The following SCML4 variants were observed in gnomAD, a reference collection of about 807,000 sequenced individuals.
SCML4 encodes sex comb on midleg-like protein 4.
In SCML4, 34 loss-of-function variants were observed where a neutral mutation model predicts 41.1. That is an observed-to-expected ratio of 0.83 (90% CI 0.63 to 1.10). The LOEUF (loss-of-function observed/expected upper bound fraction) is 1.10, where lower values mean the gene tolerates loss of function less well. Among genes scored for constraint, SCML4 ranks in the 50% least tolerant of loss-of-function variants. The pLI is 0.00. For synonymous variants in SCML4, 214 were observed against 220.9 expected (o/e 0.97, Z 0.28); for missense variants, 522 against 534.1 (o/e 0.98, Z 0.22).
chr6:107,785,064 G>C (rs559211834), intron 1 of SCML4, among the ~76,000 whole-genome samples: 112 of 152,306 alleles, frequency 7.4e-4, no homozygotes, highest in Non-Finnish European at 4.9e-4. Context: ...ATACTGTACA[G>C]GTTCAGATCT....
intron 2 of SCML4, among the ~76,000 whole-genome samples, chr6:107,752,304 G>A (rs972566400): frequency 1.3e-5 from 2 of 151,996 alleles, no homozygotes; most frequent in African/African-American, 4.8e-5. Context: ...ATACTTGCTA[G>A]ACATCCAAGT....
At chr6:107,825,868 C>T (rs1386531489), upstream of SCML4, among the ~76,000 whole-genome samples, 7 of 130,566 alleles carry the variant, frequency 5.4e-5, no homozygotes, top group South Asian at 2.5e-4. Context: ...ACCCGGGAGG[C>T]GGAGCTCACA....
intron 5 of SCML4, among the ~76,000 whole-genome samples, chr6:107,742,594 A>G (rs1777683439): frequency 6.6e-6 from 1 of 152,242 alleles, no homozygotes; most frequent in Admixed American, 6.5e-5. Flanking sequence ...TCATCTGGCA[A>G]CAGACTTCTC....
At chr6:107,767,315 A>G (rs1156607337) in intron 2 of SCML4, among the ~76,000 whole-genome samples, 1 of 152,196 alleles carries the variant, frequency 6.6e-6, no homozygotes, top group African/African-American at 2.4e-5. Context: ...CTGGACTGCC[A>G]CAGAACCCGT....
rs1418183198 is a variant in SCML4 at position 107,811,029 on chromosome 6, ATAAG to A, written c.-60+13093_-60+13096del. The stretch of plus-strand genomic sequence containing the variant: ...CTAATCCAATAGGGCTGGTGTCTTT[ATAAG>A]TAAGAGACATCAGGAGTGGAAGCAT... On this transcript the variant is annotated intron_variant, in intron 1 of 7. Transcript: ENST00000369020. 3.3e-5 allele frequency among the ~76,000 whole-genome samples: 5 copies of A among 152,138 alleles called. No individual in the cohort carries two copies. The South Asian group carries it at 6.2e-4, about 19-fold the overall frequency.
At chr6:107,828,318 G>A (rs1178098028), upstream of SCML4, among the ~76,000 whole-genome samples, 2 of 152,182 alleles carry the variant, frequency 1.3e-5, no homozygotes, top group African/African-American at 4.8e-5. Flanking sequence ...ACGGGACAAG[G>A]AAATAAGGGA....
At chr6:107,774,612 T>G (rs1283729676) in intron 1 of SCML4, among the ~76,000 whole-genome samples, 1 of 152,182 alleles carries the variant, frequency 6.6e-6, no homozygotes, top group African/African-American at 2.4e-5. Context: ...GACTTTAAAC[T>G]CAGGAATTAT....
chr6:107,807,264 G>A (rs542825340), intron 1 of SCML4, among the ~76,000 whole-genome samples: 1 of 152,278 alleles, frequency 6.6e-6, no homozygotes, highest in African/African-American at 2.4e-5. Flanking sequence ...CCACCACTTT[G>A]TTAAAGCAAG....
chr6:107,757,284 G>A (rs575785135), intron 2 of SCML4, among the ~76,000 whole-genome samples: 1 of 152,220 alleles, frequency 6.6e-6, no homozygotes, highest in Non-Finnish European at 1.5e-5. Context: ...AAACGGAGAT[G>A]TGCGGTCAAG....
At chr6:107,734,053 A>G (rs1461681754) in intron 5 of SCML4, among the ~76,000 whole-genome samples, 1 of 152,126 alleles carries the variant, frequency 6.6e-6, no homozygotes, top group Non-Finnish European at 1.5e-5. Context: ...TTATTTGAGG[A>G]GTGGGCATAG....
chr6:107,725,724 T>C (rs1220397325), intron 5 of SCML4, among the ~76,000 whole-genome samples: 1 of 152,202 alleles, frequency 6.6e-6, no homozygotes, highest in Non-Finnish European at 1.5e-5. Context: ...ATTCTTAGAT[T>C]TGACACCAAA....
At chr6:107,753,457 G>T (rs1778854823) in intron 2 of SCML4, among the ~76,000 whole-genome samples, 1 of 152,170 alleles carries the variant, frequency 6.6e-6, no homozygotes, top group Non-Finnish European at 1.5e-5. Context: ...TAGTTGCCAG[G>T]AACTGGGGGA....
In SCML4 at chr6:107,705,315, C is replaced by T; in HGVS notation, c.1130G>A (p.Gly377Asp). The T allele has an allele frequency of 6.4e-7, 1 of 1,551,840 alleles. No homozygotes were observed. The highest frequency in any genetic ancestry group is 8.7e-7 in the Non-Finnish European group (1 of 1,146,944). Residue 377 changes from glycine (G) to aspartate (D), a missense_variant, in exon 8 of 8, where the codon GGC (glycine) becomes GAC (aspartate). Coordinates refer to ENST00000369020, the MANE Select transcript of SCML4 (RefSeq NM_198081.5). Reference protein sequence around the residue: ...VELFRKHEIDGNALLLLKSDM... With the variant: ...VELFRKHEIDDNALLLLKSDM... The stretch of plus-strand genomic sequence containing the variant: ...ACTCTTCAGCAACAGCAGAGCGTTG[C>T]CATCAATCTCCTGGTGGGATAGGAT...
At chr6:107,751,612 T>TCTCTCTCTCTCTCTCTCTCTC (rs1778658664) in intron 2 of SCML4, among the ~76,000 whole-genome samples, 1 of 146,636 alleles carries the variant, frequency 6.8e-6, no homozygotes, top group Non-Finnish European at 1.5e-5. Flanking sequence ...CTTTCTTTCT[T>TCTCTCTCTCTCTCTCTCTCTC]TCTTTCTTTC....
At chr6:107,740,010 C>G (rs184167557) in intron 5 of SCML4, 9 of 405,618 alleles carry the variant, frequency 2.2e-5, no homozygotes, top group African/African-American at 1.7e-4. Context: ...TAATTTAGAG[C>G]AATTTATTTT....
the SCML4 span, among the ~76,000 whole-genome samples, chr6:107,835,684 G>C: frequency 6.8e-6 from 1 of 146,642 alleles, no homozygotes; most frequent in East Asian, 2.0e-4. Context: ...ATGATCACTT[G>C]AGCCAGGAAG....
chr6:107,840,569 T>C, the SCML4 span, among the ~76,000 whole-genome samples: 1 of 152,200 alleles, frequency 6.6e-6, no homozygotes, highest in Non-Finnish European at 1.5e-5. Flanking sequence ...ATCTCTAGCC[T>C]CACGGAGCTT....
chr6:107,751,622 C>G (rs1778668020), intron 2 of SCML4, among the ~76,000 whole-genome samples: 1 of 147,128 alleles, frequency 6.8e-6, no homozygotes, highest in Admixed American at 6.8e-5. Flanking sequence ...TTCTTTCTTT[C>G]TTTCTTTCTT....
chr6:107,789,118 C>T (rs961898646), intron 1 of SCML4, among the ~76,000 whole-genome samples: 4 of 152,172 alleles, frequency 2.6e-5, no homozygotes, highest in African/African-American at 9.7e-5. Flanking sequence ...CTGTTGGTTC[C>T]GCAGGCTTCA....
Sources: allele counts gnomAD v4.1 joint callset (sites outside exome capture counted in the v4.1 genomes callset), GRCh38; gene constraint gnomAD v4.1.1; transcripts MANE v1.5; gene names NCBI Gene and HGNC (gene_info 2026-07-23, HGNC 2026-07-21).